Variants in SOX5 observed in about 807,000 individuals in gnomAD.
SOX5 encodes transcription factor SOX-5.
SOX5 carries 9 observed loss-of-function variants against 92.0 expected under a neutral mutation model. The ratio of observed to expected loss-of-function variants is 0.10; its 90% CI spans 0.06 to 0.17. The LOEUF (loss-of-function observed/expected upper bound fraction) is 0.17, where lower values mean the gene tolerates loss of function less well. Ranked by LOEUF, SOX5 falls within the 10% of genes least tolerant of loss-of-function variation. The pLI, the probability that SOX5 is intolerant of heterozygous loss-of-function variation, is 1.00. For synonymous variants in SOX5, 344 were observed against 336.3 expected, an observed-to-expected ratio of 1.02 and a Z score of -0.25; for missense variants, 642 against 944.5, an observed-to-expected ratio of 0.68 and a Z score of 4.20.
At chr12:24,205,261 C>T (rs1957908470) in intron 4 of SOX5, among the ~76,000 whole-genome samples, 1 of 152,064 alleles carries the variant, frequency 6.6e-6, no homozygotes, top group African/African-American at 2.4e-5. Context: ...TATACTTATC[C>T]CAACTCCTAG....
intron 4 of SOX5, among the ~76,000 whole-genome samples, chr12:24,010,134 A>G (rs568444333): frequency 2.0e-5 from 3 of 152,358 alleles, no homozygotes; most frequent in East Asian, 3.9e-4. Context: ...AAGAAAATGT[A>G]CTGAATAACT....
At chr12:23,807,485 T>G (rs142173196) in intron 3 of SOX5, among the ~76,000 whole-genome samples, 1 of 152,076 alleles carries the variant, frequency 6.6e-6, no homozygotes, top group Non-Finnish European at 1.5e-5. Context: ...TAGACTGATA[T>G]AGTTGCAAGC....
rs546147190 is a variant in SOX5 at position 23,736,671 on chromosome 12, A to C, written c.742-1919T>G. Among the ~76,000 whole-genome samples the C allele has an allele frequency of 7.2e-4, 109 of 150,592 alleles. 2 individuals are homozygous for C. The highest frequency in any genetic ancestry group is 2.2e-3 in the African/African-American group (89 of 40,930). On this transcript the variant is annotated intron_variant, in intron 5 of 14. Transcript: ENST00000451604. ...ATCTTTGGAATATGGTAAAAAAAAA[A>C]CACATTTTGTTCTTTCTCTTTTTTT...
intron 4 of SOX5, among the ~76,000 whole-genome samples, chr12:24,066,427 T>C (rs1042660489): frequency 1.3e-5 from 2 of 152,194 alleles, no homozygotes; most frequent in African/African-American, 4.8e-5. Flanking sequence ...AAAATAGCTG[T>C]ACATGATAGG....
At chr12:24,417,338 G>C (rs973350172) in intron 1 of SOX5, among the ~76,000 whole-genome samples, 1 of 152,198 alleles carries the variant, frequency 6.6e-6, no homozygotes, top group Non-Finnish European at 1.5e-5. Flanking sequence ...TGTATGTGAG[G>C]AAGAAATGAG....
chr12:23,581,096 T>C (rs1449138371), intron 9 of SOX5, among the ~76,000 whole-genome samples: 1 of 152,074 alleles, frequency 6.6e-6, no homozygotes, highest in Admixed American at 6.6e-5. Context: ...CCAAATGATT[T>C]AGAGAAATCA....
At chr12:24,298,436 CTTCCAA>C (rs1371305173) in intron 2 of SOX5, among the ~76,000 whole-genome samples, 3 of 152,148 alleles carry the variant, frequency 2.0e-5, no homozygotes, top group African/African-American at 7.2e-5. Context: ...TCAAACTTCT[CTTCCAA>C]TTCCAAGTGT....
At chr12:23,868,874 G>A (rs535132975) in intron 2 of SOX5, among the ~76,000 whole-genome samples, 4 of 151,938 alleles carry the variant, frequency 2.6e-5, no homozygotes, top group Admixed American at 6.6e-5. Flanking sequence ...TAAGCAATTC[G>A]CATACTCCAA....
chr12:23,730,996 C>T (rs2093369241), intron 6 of SOX5, among the ~76,000 whole-genome samples: 1 of 152,140 alleles, frequency 6.6e-6, no homozygotes, highest in African/African-American at 2.4e-5. Context: ...AACATTCACC[C>T]TCTCAATGTG....
At chr12:23,938,370 T>A (rs2139444590) in intron 1 of SOX5, among the ~76,000 whole-genome samples, 1 of 151,184 alleles carries the variant, frequency 6.6e-6, no homozygotes, top group Non-Finnish European at 1.5e-5. Context: ...TTGCTTTTAC[T>A]ATGAAAATCT....
intron 1 of SOX5, chr12:24,407,387 T>C (rs936313466): frequency 1.3e-5 from 2 of 152,188 alleles, no homozygotes; most frequent in African/African-American, 4.8e-5. Context: ...AGGCTGCTGA[T>C]ATGGTTAAGC....
chr12:23,666,577 A>T (rs546195279), intron 6 of SOX5, among the ~76,000 whole-genome samples: 1 of 152,302 alleles, frequency 6.6e-6, no homozygotes, highest in African/African-American at 2.4e-5. Context: ...TGATGGATGG[A>T]TATATGGATG....
chr12:23,721,799 T>C (rs2092831008), intron 6 of SOX5, among the ~76,000 whole-genome samples: 1 of 152,238 alleles, frequency 6.6e-6, no homozygotes, highest in Non-Finnish European at 1.5e-5. Context: ...AGATTATACA[T>C]GAAGTTTAGC....
intron 9 of SOX5, chr12:23,584,642 T>A: frequency 6.6e-7 from 1 of 1,504,056 alleles, no homozygotes; most frequent in Non-Finnish European, 9.2e-7. Context: ...GACAGTTAAC[T>A]GATATAAACC....
At chr12:24,343,813 G>A (rs11835150) in intron 2 of SOX5, among the ~76,000 whole-genome samples, 2,891 of 152,270 alleles carry the variant, frequency 0.019, 99 homozygotes, top group African/African-American at 0.066. Flanking sequence ...AGTAGGAAGT[G>A]AAGAAAGGTA....
intron 1 of SOX5, among the ~76,000 whole-genome samples, chr12:24,464,322 A>ATTT (rs1566230384): frequency 3.8e-4 from 40 of 104,374 alleles, no homozygotes; most frequent in African/African-American, 1.4e-3. Context: ...AGTGAGAGTT[A>ATTT]ATTTTTTTTT....
intron 4 of SOX5, among the ~76,000 whole-genome samples, chr12:24,128,568 G>A (rs1251642738): frequency 6.6e-6 from 1 of 152,166 alleles, no homozygotes; most frequent in Non-Finnish European, 1.5e-5. Flanking sequence ...GACGTGGTGA[G>A]GCAGATGTGA....
At chr12:24,498,332 T>A (rs1248907754) in intron 1 of SOX5, among the ~76,000 whole-genome samples, 3 of 152,042 alleles carry the variant, frequency 2.0e-5, no homozygotes, top group African/African-American at 7.2e-5. Context: ...AACTAGCAAA[T>A]CAGTGATAGG....
At chr12:24,074,892 G>T (rs1465346757) in intron 4 of SOX5, among the ~76,000 whole-genome samples, 1 of 148,998 alleles carries the variant, frequency 6.7e-6, no homozygotes, top group Non-Finnish European at 1.5e-5. Flanking sequence ...TTTTTTGTTT[G>T]TTTGTTTTAT....
Sources: gnomAD v4.1 joint callset for allele counts (sites outside exome capture counted in the v4.1 genomes callset) on GRCh38, gnomAD v4.1.1 for gene constraint, MANE v1.5 for transcripts, NCBI Gene and HGNC (gene_info 2026-07-23, HGNC 2026-07-21) for gene names.